RANBP10: variants seen among roughly 807,000 people sequenced by gnomAD.
The protein encoded by RANBP10 is RAN binding protein 10.
Under a neutral mutation model 72.8 loss-of-function variants are expected in RANBP10, and 24 were observed. The observed-to-expected ratio is 0.33, with a 90% CI of 0.24 to 0.46. RANBP10 has a LOEUF of 0.46. Among genes scored for constraint, RANBP10 ranks in the 20% least tolerant of loss-of-function variants. The probability of loss-of-function intolerance (pLI) is 1.00; values close to 1 mark genes in which losing one functional copy is unlikely to be tolerated. For missense variants in RANBP10, 679 were observed against 817.5 expected (o/e 0.83, Z 2.07); for synonymous variants, 310 against 322.3 (o/e 0.96, Z 0.41).
chr16:67,794,347 G>A (rs1315030812), intron 2 of RANBP10, among the ~76,000 whole-genome samples: 1 of 151,672 alleles, frequency 6.6e-6, no homozygotes, highest in Admixed American at 6.6e-5. Context: ...TGAGGCGGGA[G>A]AATTGCTTGA....
intron 3 of RANBP10, among the ~76,000 whole-genome samples, chr16:67,747,452 TG>T (rs1258053027): frequency 6.6e-6 from 1 of 152,216 alleles, no homozygotes; most frequent in African/African-American, 2.4e-5. Context: ...AGTCCTTTTA[TG>T]TTTTGTGAGT....
At chr16:67,757,110 A>G (rs2054299782) in intron 3 of RANBP10, among the ~76,000 whole-genome samples, 1 of 152,192 alleles carries the variant, frequency 6.6e-6, no homozygotes, top group Non-Finnish European at 1.5e-5. Flanking sequence ...TGGGAGGCTG[A>G]GGCAGGAGAA....
chr16:67,768,413 G>A (rs908227620), intron 3 of RANBP10, among the ~76,000 whole-genome samples: 7 of 151,840 alleles, frequency 4.6e-5, no homozygotes, highest in South Asian at 2.1e-4. Flanking sequence ...CCCAACTACT[G>A]GGGAGGCTGA....
intron 4 of RANBP10, among the ~76,000 whole-genome samples, chr16:67,740,535 G>A (rs2053949409): frequency 6.6e-6 from 1 of 152,078 alleles, no homozygotes; most frequent in Admixed American, 6.6e-5. Context: ...CTGCAAAATA[G>A]AACAGGGTCT....
chr16:67,758,780 G>A (rs1005606938), intron 3 of RANBP10, among the ~76,000 whole-genome samples: 1 of 152,228 alleles, frequency 6.6e-6, no homozygotes, highest in Non-Finnish European at 1.5e-5. Flanking sequence ...AGAGAGGCTG[G>A]GGGCTAGTAT....
At chr16:67,772,138 A>G in intron 2 of RANBP10, 52 bp from the exon 3 acceptor site, 2 of 1,559,740 alleles carry the variant, frequency 1.3e-6, no homozygotes, top group South Asian at 1.2e-5. Context: ...GCAAATGCTC[A>G]TGCGTCTCCC....
intron 2 of RANBP10, among the ~76,000 whole-genome samples, chr16:67,786,649 C>T (rs2054922080): frequency 6.6e-6 from 1 of 152,188 alleles, no homozygotes; most frequent in Non-Finnish European, 1.5e-5. Context: ...AGTTCCAGGT[C>T]AAGTGCAGTG....
At position 67,725,968 on chromosome 16, in the gene RANBP10, ATT is replaced by A. The variant is rs1031521847; in HGVS notation, c.*458_*459del. 2 of 140,738 alleles carry A rather than the reference ATT, an allele frequency of 1.4e-5. No individual in the cohort carries two copies. 8.7% of individuals were successfully genotyped at this position (140,738 alleles called of 1,614,324 possible). On this transcript the variant is annotated 3_prime_UTR_variant, in exon 14 of 14. Coordinates refer to ENST00000317506, the MANE Select transcript of RANBP10 (RefSeq NM_020850.3). ...TACTGTCTTTTTTTTTAATATATATATTTTTATATATATATATATAATCTCAT... is the reference window on the plus strand; with the variant it reads ...TACTGTCTTTTTTTTTAATATATATATTTATATATATATATATAATCTCAT...
chr16:67,787,434 G>T (rs753705634), intron 2 of RANBP10, among the ~76,000 whole-genome samples: 1 of 152,122 alleles, frequency 6.6e-6, no homozygotes, highest in South Asian at 2.1e-4. Context: ...TGCTGGTGGG[G>T]ATGTAAAATG....
In RANBP10 at chr16:67,733,558, A is replaced by G. The variant is rs554214733; in HGVS notation, c.776+1300T>C. ...AATTTGTCTCTGTGATAACATAGCCATTATCAATATTCATTAAATGAAGTT... is the reference window on the plus strand; with the variant it reads ...AATTTGTCTCTGTGATAACATAGCCGTTATCAATATTCATTAAATGAAGTT... On this transcript the variant is annotated intron_variant, in intron 6 of 13. Coordinates refer to ENST00000317506, the MANE Select transcript of RANBP10 (RefSeq NM_020850.3). Among the ~76,000 whole-genome samples the G allele has an allele frequency of 1.5e-3, 228 of 152,358 alleles. No homozygotes were observed. The Middle Eastern group carries it at 0.017, about 11-fold the overall frequency.
intron 2 of RANBP10, among the ~76,000 whole-genome samples, chr16:67,799,273 C>T (rs968728501): frequency 2.6e-4 from 38 of 148,058 alleles, no homozygotes; most frequent in African/African-American, 9.3e-4. Context: ...TCATGTTCTG[C>T]GCTCCACATC....
intron 2 of RANBP10, among the ~76,000 whole-genome samples, chr16:67,780,052 T>G (rs2054782456): frequency 6.6e-6 from 1 of 151,922 alleles, no homozygotes; most frequent in African/African-American, 2.4e-5. Context: ...GCCAACATAG[T>G]GAAACCCCAT....
chr16:67,774,109 C>T (rs1251160435), intron 2 of RANBP10, among the ~76,000 whole-genome samples: 3 of 152,206 alleles, frequency 2.0e-5, no homozygotes, highest in South Asian at 2.1e-4. Flanking sequence ...AAGCAGCAAA[C>T]GACCCCAGCT....
At chr16:67,787,183 G>A (rs1024634230) in intron 2 of RANBP10, among the ~76,000 whole-genome samples, 1 of 152,104 alleles carries the variant, frequency 6.6e-6, no homozygotes, top group African/African-American at 2.4e-5. Context: ...AAGTTCCAAT[G>A]AGCTGAGATA....
chr16:67,759,259 G>T (rs1018516997), intron 3 of RANBP10, among the ~76,000 whole-genome samples: 4 of 152,220 alleles, frequency 2.6e-5, no homozygotes, highest in Admixed American at 6.5e-5. Flanking sequence ...AGAAACAACA[G>T]AATGAGAAAG....
At position 67,794,074 on chromosome 16, in the gene RANBP10, G is replaced by A. The variant is rs564719245; in HGVS notation, c.347+11354C>T. 1.3e-4 allele frequency among the ~76,000 whole-genome samples: 20 copies of A among 152,032 alleles called. 1 individual carries two copies. The South Asian group carries it at 4.2e-3, about 32-fold the overall frequency. On this transcript the variant is annotated intron_variant, in intron 2 of 13. Coordinates refer to ENST00000317506, the MANE Select transcript of RANBP10 (RefSeq NM_020850.3). The stretch of plus-strand genomic sequence containing the variant: ...TTTAAAAATGTTTCGTAGAGGTGGG[G>A]GTCTCACTATGTTGTCCAGGCTGGT...
At position 67,738,042 on chromosome 16, in the gene RANBP10, G is replaced by A. The variant is rs756552001; in HGVS notation, c.569-7C>T. 16 of 1,588,604 alleles carry A rather than the reference G, an allele frequency of 1.0e-5. No homozygotes were observed. In the South Asian group the frequency reaches 1.6e-4, roughly 16 times the overall value. ...AGGTCTGTGAAGGCTATACCTGTGGGGGGAAAGGAACAGTCATCAGGGCCA... is the reference window on the plus strand; with the variant it reads ...AGGTCTGTGAAGGCTATACCTGTGGAGGGAAAGGAACAGTCATCAGGGCCA... On this transcript the variant is annotated splice_region_variant and splice_polypyrimidine_tract_variant and intron_variant, in intron 4 of 13. Transcript: ENST00000317506.
At chr16:67,744,766 G>A (rs2054037066) in intron 3 of RANBP10, among the ~76,000 whole-genome samples, 1 of 152,266 alleles carries the variant, frequency 6.6e-6, no homozygotes, top group African/African-American at 2.4e-5. Flanking sequence ...GAAGCCTTGT[G>A]AAGGAGTGGG....
intron 5 of RANBP10, among the ~76,000 whole-genome samples, chr16:67,736,455 C>T (rs1467647227): frequency 6.6e-6 from 1 of 152,246 alleles, no homozygotes; most frequent in African/African-American, 2.4e-5. Flanking sequence ...GCCAGCGCGC[C>T]TGGCCAACCA....
Sources: gnomAD v4.1 joint callset for allele counts (sites outside exome capture counted in the v4.1 genomes callset) on GRCh38, gnomAD v4.1.1 for gene constraint, MANE v1.5 for transcripts, NCBI Gene and HGNC (gene_info 2026-07-23, HGNC 2026-07-21) for gene names.